The following HSD17B12 variants were observed in gnomAD, a reference collection of about 807,000 sequenced individuals.
HSD17B12 encodes hydroxysteroid 17-beta dehydrogenase 12.
In HSD17B12, 32 loss-of-function variants were observed where a neutral mutation model predicts 39.3. The ratio of observed to expected loss-of-function variants is 0.81; its 90% CI spans 0.61 to 1.09. The LOEUF (loss-of-function observed/expected upper bound fraction) is 1.09, where lower values mean the gene tolerates loss of function less well. Among genes scored for constraint, HSD17B12 ranks in the 50% least tolerant of loss-of-function variants. The pLI is 0.00. For synonymous variants in HSD17B12, 150 were observed against 146.7 expected (o/e 1.02, Z -0.16); for missense variants, 342 against 382.9 (o/e 0.89, Z 0.89).
chr11:43,658,129 G>A, the HSD17B12 span, among the ~76,000 whole-genome samples: 10 of 152,070 alleles, frequency 6.6e-5, no homozygotes, highest in Non-Finnish European at 1.0e-4. Flanking sequence ...TTCTCTTCAC[G>A]CTTCATTTCA....
At chr11:43,681,104 T>G (rs1726200518) in intron 1 of HSD17B12, 117 bp downstream of exon 1, 18 of 1,376,674 alleles carry the variant, frequency 1.3e-5, no homozygotes, top group Non-Finnish European at 1.7e-5. Context: ...CTCCTCTTTC[T>G]CAGGCTCCTG....
chr11:43,783,612 T>C (rs1950788043), intron 3 of HSD17B12, among the ~76,000 whole-genome samples: 1 of 151,852 alleles, frequency 6.6e-6, no homozygotes, highest in Non-Finnish European at 1.5e-5. Context: ...CCCTTCCCTG[T>C]GTCCATGTGT....
At chr11:43,610,573 T>C in the HSD17B12 span, among the ~76,000 whole-genome samples, 1 of 152,192 alleles carries the variant, frequency 6.6e-6, no homozygotes, top group Non-Finnish European at 1.5e-5. Flanking sequence ...TTTCCCCATA[T>C]GCAAAATGGA....
intron 3 of HSD17B12, among the ~76,000 whole-genome samples, chr11:43,760,547 T>C (rs1013211143): frequency 1.3e-5 from 2 of 152,216 alleles, no homozygotes; most frequent in African/African-American, 2.4e-5. Context: ...GAAATGTAAA[T>C]CTTACTGGTC....
Position 43,742,756 on chromosome 11 carries a change from G to T in HSD17B12, c.161-8155G>T, listed in dbSNP as rs533384111. ...CCCAGGATTTCCAGTTTTTTTGTGT[G>T]TGTGTTTTTTTTTTGTGCCCATAAA... On this transcript the variant is annotated intron_variant, in intron 1 of 10. Coordinates refer to ENST00000278353, the MANE Select transcript of HSD17B12 (RefSeq NM_016142.3). 6.8e-3 allele frequency among the ~76,000 whole-genome samples: 1,021 copies of T among 150,340 alleles called. 7 individuals are homozygous for T. Among genetic ancestry groups the T allele is most frequent in the East Asian group, 0.042 (217 of 5,142 alleles).
the HSD17B12 span, among the ~76,000 whole-genome samples, chr11:43,613,911 C>A: frequency 2.0e-5 from 3 of 152,190 alleles, no homozygotes; most frequent in African/African-American, 7.2e-5. Flanking sequence ...AGGTGATCTG[C>A]CCACCTCGGC....
At chr11:43,656,651 G>A in the HSD17B12 span, among the ~76,000 whole-genome samples, 4 of 152,006 alleles carry the variant, frequency 2.6e-5, no homozygotes, top group Non-Finnish European at 5.9e-5. Flanking sequence ...CCTTCATTTC[G>A]TTATGTACCC....
At chr11:43,732,006 C>T (rs900922728) in intron 1 of HSD17B12, among the ~76,000 whole-genome samples, 61 of 152,098 alleles carry the variant, frequency 4.0e-4, no homozygotes, top group African/African-American at 1.4e-3. Context: ...CTGTGTCCCC[C>T]CTGACCTAAG....
At chr11:43,738,542 G>A (rs1483403284) in intron 1 of HSD17B12, among the ~76,000 whole-genome samples, 2 of 152,212 alleles carry the variant, frequency 1.3e-5, no homozygotes, top group African/African-American at 2.4e-5. Context: ...GATTCTTGAC[G>A]TTGAGAGGAG....
In HSD17B12 at chr11:43,759,750, CAG is replaced by C. The variant is rs141144970; in HGVS notation, c.283+5632_283+5633del. 3.9e-3 allele frequency among the ~76,000 whole-genome samples: 596 copies of C among 151,932 alleles called. 6 individuals are homozygous for C. The East Asian group carries it at 0.045, about 11-fold the overall frequency. ...TCTTTTCTTTTTTTCTTTTTTGAGA[CAG>C]AGTCTTACTTTGTCACGCAGGCTGG... On this transcript the variant is annotated intron_variant, in intron 3 of 10. Transcript: ENST00000278353.
chr11:43,780,403 G>T (rs1288756629), intron 3 of HSD17B12, among the ~76,000 whole-genome samples: 1 of 152,010 alleles, frequency 6.6e-6, no homozygotes. Flanking sequence ...CCTGACCTCA[G>T]GTGATCCACC....
intron 1 of HSD17B12, among the ~76,000 whole-genome samples, chr11:43,739,249 T>C (rs1455281179): frequency 2.0e-5 from 3 of 152,110 alleles, no homozygotes; most frequent in Admixed American, 6.5e-5. Flanking sequence ...CGGAGTACTA[T>C]GGGGCAGAGA....
Position 43,826,176 on chromosome 11 carries a change from G to A in HSD17B12, c.502-4800G>A, listed in dbSNP as rs557803176. Among the ~76,000 whole-genome samples the A allele has an allele frequency of 2.1e-5, 3 of 146,074 alleles. No individual in the cohort carries two copies. The East Asian group carries it at 6.3e-4, about 31-fold the overall frequency. Reference sequence around the variant, plus strand: ...CCGCTCACTGCAAGCTCCGCCTCCCGGGTTCACGCCATTCTCCTGCCTCAG... The same window carrying A: ...CCGCTCACTGCAAGCTCCGCCTCCCAGGTTCACGCCATTCTCCTGCCTCAG... On this transcript the variant is annotated intron_variant, in intron 6 of 10. Transcript: ENST00000278353.
chr11:43,671,406 C>T, the HSD17B12 span, among the ~76,000 whole-genome samples: 1 of 152,248 alleles, frequency 6.6e-6, no homozygotes, highest in Non-Finnish European at 1.5e-5. Context: ...GTCTCAAACT[C>T]CTGACTTCAG....
At chr11:43,713,199 A>G (rs1282782561) in intron 1 of HSD17B12, among the ~76,000 whole-genome samples, 1 of 152,178 alleles carries the variant, frequency 6.6e-6, no homozygotes, top group Non-Finnish European at 1.5e-5. Flanking sequence ...TTGCATATGT[A>G]TACATGTGCC....
the HSD17B12 span, among the ~76,000 whole-genome samples, chr11:43,581,140 G>T: frequency 6.6e-6 from 1 of 152,130 alleles, no homozygotes. The surrounding 1 kb of genome is among the most constrained non-coding windows in gnomAD (Gnocchi z 4.9). Flanking sequence ...TGGAGGCTGG[G>T]CTCCGGGATC....
chr11:43,668,556 G>A, the HSD17B12 span, among the ~76,000 whole-genome samples: 2 of 152,058 alleles, frequency 1.3e-5, no homozygotes, highest in African/African-American at 2.4e-5. Context: ...ACACATATGT[G>A]TAAAGATAAA....
intron 1 of HSD17B12, among the ~76,000 whole-genome samples, chr11:43,733,389 A>G (rs892803995): frequency 2.0e-5 from 3 of 152,150 alleles, no homozygotes; most frequent in African/African-American, 7.2e-5. Flanking sequence ...GGAACTACTG[A>G]TTGTACCTTA....
At chr11:43,687,665 A>T (rs1468718900) in intron 1 of HSD17B12, among the ~76,000 whole-genome samples, 1 of 152,234 alleles carries the variant, frequency 6.6e-6, no homozygotes, top group Non-Finnish European at 1.5e-5. Context: ...GAAAGCTCAG[A>T]TATGAGTGCC....
Sources: gnomAD v4.1 joint callset for allele counts (sites outside exome capture counted in the v4.1 genomes callset) on GRCh38, gnomAD v4.1.1 for gene constraint, Gnocchi (gnomAD v3.1) non-coding constraint, MANE v1.5 for transcripts, NCBI Gene and HGNC (gene_info 2026-07-23, HGNC 2026-07-21) for gene names.